Variants in PPM1K observed in about 807,000 individuals in gnomAD.
PPM1K encodes the protein protein phosphatase Mn(2+)-dependent 1K.
Under a neutral mutation model 32.6 loss-of-function variants are expected in PPM1K, and 19 were observed. The ratio of observed to expected loss-of-function variants is 0.58; its 90% confidence interval spans 0.41 to 0.86. The LOEUF (loss-of-function observed/expected upper bound fraction) is 0.86, where lower values mean the gene tolerates loss of function less well. Ranked by LOEUF, PPM1K falls within the 40% of genes least tolerant of loss-of-function variation. The probability of loss-of-function intolerance (pLI) is 0.00; values close to 1 mark genes in which losing one functional copy is unlikely to be tolerated. For synonymous variants in PPM1K, 159 were observed against 165.3 expected (o/e 0.96, Z 0.29); for missense variants, 362 against 461.2 (o/e 0.78, Z 1.97).
Position 88,278,444 on chromosome 4 carries a change from C to T in PPM1K, c.140G>A (p.Cys47Tyr). ...ACTACCATCTGGGTCAAACCGAGAACACCTAGGCTCTGAAGTGGAGCTGTG... is the reference window on the plus strand; with the variant it reads ...ACTACCATCTGGGTCAAACCGAGAATACCTAGGCTCTGAAGTGGAGCTGTG... ...TCHSSTSEPR[C>Y]SRFDPDGSGS... The change falls in exon 2 of 7, where the codon TGT becomes TAT. Residue 47 changes from cysteine to tyrosine, a missense_variant. Transcript: ENST00000608933. The surrounding 1 kb of genome is among the most constrained non-coding windows in gnomAD (Gnocchi z 4.2). The T allele has an allele frequency of 6.2e-7, 1 of 1,614,214 alleles. No individual in the cohort carries two copies.
chr4:88,280,870 CGA>C (rs1202223173), intron 1 of PPM1K, among the ~76,000 whole-genome samples: 3 of 151,762 alleles, frequency 2.0e-5, no homozygotes, highest in Non-Finnish European at 2.9e-5. Flanking sequence ...AGAGAGAGAG[CGA>C]GAGAGAGAAA....
Position 88,265,112 on chromosome 4 carries a change from G to A in PPM1K, c.876C>T (p.Phe292=). 6.2e-7 allele frequency: 1 copy of A among 1,614,162 alleles called. No homozygotes were observed. The highest frequency in any genetic ancestry group is 8.5e-7 in the Non-Finnish European group (1 of 1,179,996). Residue 292 remains phenylalanine, a synonymous_variant, in exon 6 of 7, where the codon TTC becomes TTT. Coordinates refer to ENST00000608933, the MANE Select transcript of PPM1K (RefSeq NM_152542.5). ...TAATTCCATCTGTGGTGAGGACCAGGAAGCTGTCATCAGCATGATGTAACT... is the reference window on the plus strand; with the variant it reads ...TAATTCCATCTGTGGTGAGGACCAGAAAGCTGTCATCAGCATGATGTAACT... ...RIKLHHADDS[F]LVLTTDGINF... is the part of the protein sequence containing the mutation.
chr4:88,283,050 A>G (rs1732079166), intron 1 of PPM1K, among the ~76,000 whole-genome samples: 1 of 152,226 alleles, frequency 6.6e-6, no homozygotes, highest in South Asian at 2.1e-4. Flanking sequence ...TCAGACACAC[A>G]CACACGCACG....
chr4:88,275,931 G>C, intron 3 of PPM1K: 4 of 985,402 alleles, frequency 4.1e-6, no homozygotes, highest in Non-Finnish European at 4.8e-6. Context: ...CCAAAGGAAT[G>C]AAAGAAAAGA....
chr4:88,268,789 AT>A lies in PPM1K; in HGVS notation c.658del (p.Met220Ter). 1 of 1,614,044 alleles carries A rather than the reference AT, an allele frequency of 6.2e-7. No homozygotes were observed. The highest frequency in any genetic ancestry group is 8.5e-7 in the Non-Finnish European group (1 of 1,179,934). ...RAILCRKGKP[M>X]KLTIDHTPER... Reference sequence around the variant, plus strand: ...TGGAGTATGGTCAATGGTCAGCTTCATGGGTTTTCCTTTTCTACACAAAATA... The same window carrying A: ...TGGAGTATGGTCAATGGTCAGCTTCAGGGTTTTCCTTTTCTACACAAAATA... On this transcript the variant is annotated frameshift_variant, in exon 4 of 7. Transcript: ENST00000608933. LOFTEE classifies it high-confidence loss of function.
intron 1 of PPM1K, chr4:88,279,746 G>C (rs1296010161): frequency 2.0e-5 from 3 of 152,124 alleles, no homozygotes; most frequent in Non-Finnish European, 4.4e-5. Context: ...GTCTCCATAG[G>C]ATTTTGTTCT....
At chr4:88,277,306 G>A in intron 2 of PPM1K, 63 bp from the exon 3 acceptor site, 1 of 1,110,544 alleles carries the variant, frequency 9.0e-7, no homozygotes, top group Non-Finnish European at 1.4e-6. Flanking sequence ...TCTCCTCACT[G>A]TTACTCTAGC....
Position 88,258,977 on chromosome 4 carries a change from C to G in PPM1K, c.*3618G>C, listed in dbSNP as rs2110148640. ...TGGCGGACGCCTGTAATTCCAGCTA[C>G]TCGGGAGGCTGAGGCAGGAGAATGG... On this transcript the variant is annotated 3_prime_UTR_variant, in exon 7 of 7. Transcript: ENST00000608933. 1 of 152,028 alleles carries G rather than the reference C, an allele frequency of 6.6e-6. No individual in the cohort carries two copies. The highest frequency in any genetic ancestry group is 6.6e-5 in the Admixed American group (1 of 15,242). 9.4% of individuals were successfully genotyped at this position (152,028 alleles called of 1,614,324 possible).
In PPM1K at chr4:88,267,008, G is replaced by A. The variant is rs539062517; in HGVS notation, c.852+1182C>T. 5.3e-5 allele frequency among the ~76,000 whole-genome samples: 8 copies of A among 150,234 alleles called. No individual in the cohort carries two copies. In the East Asian group the frequency reaches 1.6e-3, roughly 30 times the overall value. On this transcript the variant is annotated intron_variant, in intron 5 of 6. Coordinates refer to ENST00000608933, the MANE Select transcript of PPM1K (RefSeq NM_152542.5). The stretch of plus-strand genomic sequence containing the variant: ...CAGGTGATGCTGATTGGGTGCAGGT[G>A]ATGCTGGTTGATTGGGTGCAGGTGA...
At chr4:88,277,560 A>G (rs904225465) in intron 2 of PPM1K, 5 of 240,958 alleles carry the variant, frequency 2.1e-5, no homozygotes, top group African/African-American at 1.1e-4. Flanking sequence ...ACAGGAAGTC[A>G]AGAAATGGTC....
chr4:88,278,591 C>T lies in PPM1K; in HGVS notation c.-8G>A. 1 of 1,588,258 alleles carries T rather than the reference C, an allele frequency of 6.3e-7. No homozygotes were observed. Among genetic ancestry groups the T allele is most frequent in the Non-Finnish European group, 8.6e-7 (1 of 1,167,384 alleles). On this transcript the variant is annotated 5_prime_UTR_variant, in exon 2 of 7. Transcript: ENST00000608933. This position sits in a 1 kb window ranked among gnomAD's most constrained non-coding sequence, Gnocchi z 4.2. Reference sequence around the variant, plus strand: ...TAAGGCAGCTGTTGACATAACTCAGCTCCAAAGGACTCAGTGATGAGGGAA... The same window carrying T: ...TAAGGCAGCTGTTGACATAACTCAGTTCCAAAGGACTCAGTGATGAGGGAA...
chr4:88,267,760 T>G (rs2110158427), intron 5 of PPM1K, among the ~76,000 whole-genome samples: 1 of 152,346 alleles, frequency 6.6e-6, no homozygotes, highest in South Asian at 2.1e-4. Flanking sequence ...ACTGAAACTG[T>G]TCTCTTCTTT....
chr4:88,277,836 T>C (rs1731844711), intron 2 of PPM1K: 1 of 420,796 alleles, frequency 2.4e-6, no homozygotes, highest in Admixed American at 4.1e-5. Flanking sequence ...TGTCCTACAC[T>C]GATGGGAGTA....
intron 3 of PPM1K, among the ~76,000 whole-genome samples, chr4:88,273,747 CCTTTT>C (rs936200782): frequency 6.6e-6 from 1 of 151,918 alleles, no homozygotes; most frequent in African/African-American, 2.4e-5. Flanking sequence ...TTCCATCTTC[CCTTTT>C]CTTTGTCACC....
At chr4:88,270,947 T>A in intron 3 of PPM1K, 1 of 330,166 alleles carries the variant, frequency 3.0e-6, no homozygotes, top group South Asian at 2.6e-5. Flanking sequence ...ACTTTTTGCC[T>A]AACAACAAAA....
chr4:88,276,426 C>A, intron 3 of PPM1K: 1 of 985,362 alleles, frequency 1.0e-6, no homozygotes. Flanking sequence ...TTGGGACTAG[C>A]TAACTAGAAA....
Position 88,273,886 on chromosome 4 carries a change from G to A in PPM1K, c.541+3257C>T, listed in dbSNP as rs147489984. 3.4e-3 allele frequency among the ~76,000 whole-genome samples: 524 copies of A among 152,284 alleles called. 4 individuals are homozygous for A. Among genetic ancestry groups the A allele is most frequent in the African/African-American group, 0.012 (487 of 41,558 alleles). ...CAAATTGCACACCTAGGCCTAATCA[G>A]TTTTTCGTGTGCTATGCAAATGGCA... On this transcript the variant is annotated intron_variant, in intron 3 of 6. Coordinates refer to ENST00000608933, the MANE Select transcript of PPM1K (RefSeq NM_152542.5).
At chr4:88,279,596 T>C (rs1360413427) in intron 1 of PPM1K, 1 of 152,168 alleles carries the variant, frequency 6.6e-6, no homozygotes, top group Admixed American at 6.6e-5. Context: ...AAACGATTAC[T>C]TTACACCCCC....
chr4:88,270,299 C>A (rs1252590535), intron 3 of PPM1K, among the ~76,000 whole-genome samples: 1 of 152,160 alleles, frequency 6.6e-6, no homozygotes, highest in Non-Finnish European at 1.5e-5. Context: ...TCTACTTAAT[C>A]TTTTATAGTC....
Sources: allele counts gnomAD v4.1 joint callset (sites outside exome capture counted in the v4.1 genomes callset), GRCh38; gene constraint gnomAD v4.1.1; non-coding constraint Gnocchi (gnomAD v3.1); transcripts MANE v1.5; gene names NCBI Gene and HGNC (gene_info 2026-07-23, HGNC 2026-07-21).